The following FMN1 variants were observed in gnomAD, a reference collection of about 807,000 sequenced individuals.
The protein encoded by FMN1 is formin 1.
In FMN1, 110 loss-of-function variants were observed where a neutral mutation model predicts 132.4. The ratio of observed to expected loss-of-function variants is 0.83; its 90% CI spans 0.71 to 0.97. The LOEUF is 0.97. Among genes scored for constraint, FMN1 ranks in the 50% least tolerant of loss-of-function variants. FMN1 has a pLI of 0.00. For synonymous variants in FMN1, 722 were observed against 651.7 expected, an observed-to-expected ratio of 1.11 and a Z score of -1.64; for missense variants, 1,792 against 1,705.3, an observed-to-expected ratio of 1.05 and a Z score of -0.90.
At chr15:32,931,107 GT>G (rs1244950393) in intron 9 of FMN1, among the ~76,000 whole-genome samples, 3 of 152,098 alleles carry the variant, frequency 2.0e-5, no homozygotes, top group Admixed American at 2.0e-4. Context: ...TTGGCAATTT[GT>G]TTTGAATTCA....
chr15:33,009,658 A>G (rs923245408), intron 6 of FMN1, among the ~76,000 whole-genome samples: 6 of 152,198 alleles, frequency 3.9e-5, no homozygotes, highest in Non-Finnish European at 8.8e-5. Context: ...AACTCATTTC[A>G]TCTCCACAAT....
intron 9 of FMN1, among the ~76,000 whole-genome samples, chr15:32,928,266 T>C (rs776773278): frequency 6.6e-6 from 1 of 152,134 alleles, no homozygotes; most frequent in Non-Finnish European, 1.5e-5. Flanking sequence ...TACAGAATTT[T>C]AGGAGTTTTA....
At chr15:33,031,987 TA>T (rs2035959053) in intron 6 of FMN1, among the ~76,000 whole-genome samples, 1 of 152,196 alleles carries the variant, frequency 6.6e-6, no homozygotes, top group Non-Finnish European at 1.5e-5. Flanking sequence ...TCAATAAATG[TA>T]ATCATGAAGT....
At chr15:32,808,607 A>G (rs1473835434) in intron 17 of FMN1, among the ~76,000 whole-genome samples, 1 of 152,208 alleles carries the variant, frequency 6.6e-6, no homozygotes, top group Non-Finnish European at 1.5e-5. Context: ...AACTCCACTG[A>G]GCCTTATCCG....
At chr15:32,935,935 G>A (rs1449738035) in intron 9 of FMN1, among the ~76,000 whole-genome samples, 2 of 151,824 alleles carry the variant, frequency 1.3e-5, no homozygotes, top group Non-Finnish European at 2.9e-5. Flanking sequence ...CCTCCTCTTC[G>A]TTTTTTTCTT....
chr15:32,898,640 C>A (rs1261449140), intron 15 of FMN1, among the ~76,000 whole-genome samples, 194 bp downstream of exon 15: 4 of 152,172 alleles, frequency 2.6e-5, no homozygotes, highest in African/African-American at 9.7e-5. Context: ...TAGATTTACA[C>A]CACTGAATAA....
chr15:33,063,080 G>C (rs1038798756), intron 6 of FMN1: 1 of 152,196 alleles, frequency 6.6e-6, no homozygotes. Flanking sequence ...AAGTCTCTCT[G>C]CCCAGGGCCT....
At chr15:32,894,459 G>C (rs929788225) in intron 15 of FMN1, among the ~76,000 whole-genome samples, 7 of 151,254 alleles carry the variant, frequency 4.6e-5, no homozygotes, top group Non-Finnish European at 1.0e-4. Flanking sequence ...ACTGCAGCCT[G>C]GGTGACAGAG....
intron 9 of FMN1, among the ~76,000 whole-genome samples, chr15:32,929,547 G>A (rs2339165): frequency 0.15 from 22,698 of 152,036 alleles, 2,217 homozygotes; most frequent in African/African-American, 0.28. Flanking sequence ...TTCACCTTGC[G>A]TAACAGAAAT....
intron 5 of FMN1, among the ~76,000 whole-genome samples, chr15:33,087,772 G>C (rs1377549602): frequency 6.6e-6 from 1 of 151,288 alleles, no homozygotes; most frequent in Non-Finnish European, 1.5e-5. Flanking sequence ...ACAATGAGTG[G>C]ATAAATAAAA....
In FMN1 at chr15:32,968,986, A is replaced by C. The variant is rs1216645779; in HGVS notation, c.2715T>G (p.Pro905=). The C allele has an allele frequency of 2.0e-6, 2 of 994,628 alleles. No individual in the cohort carries two copies. The highest frequency in any genetic ancestry group is 2.5e-5 in the Admixed American group (1 of 39,930). 61.6% of individuals were successfully genotyped at this position (994,628 alleles called of 1,614,324 possible). A position where few individuals can be genotyped will look rare whatever the true frequency, so the allele number is the denominator to read the frequency against. The part of the protein sequence containing the change: ...PPVSAGPPLP[P]PPPPPPPLPP... The stretch of plus-strand genomic sequence containing the variant: ...GTAGAGGTGGCGGTGGAGGAGGCGG[A>C]GGTGGTAGCGGTGGCCCAGCACTCA... Residue 905 remains proline (P), a synonymous_variant, in exon 8 of 21, where the codon CCT becomes CCG. Coordinates refer to ENST00000616417, the MANE Select transcript of FMN1 (RefSeq NM_001277313.2).
chr15:32,898,538 T>C (rs1347397428), intron 15 of FMN1, among the ~76,000 whole-genome samples: 1 of 152,184 alleles, frequency 6.6e-6, no homozygotes, highest in Non-Finnish European at 1.5e-5. Context: ...TGAGCGGATC[T>C]AGATTTCACA....
chr15:33,154,716 C>T lies in FMN1; in HGVS notation c.199G>A (p.Asp67Asn), dbSNP rs1328032114. The T allele has an allele frequency of 6.5e-7, 1 of 1,536,098 alleles. No homozygotes were observed. Among genetic ancestry groups the T allele is most frequent in the Middle Eastern group, 1.7e-4 (1 of 5,990 alleles). The stretch of plus-strand genomic sequence containing the variant: ...AAAAATATGTCGCCTGGATGTTCGT[C>T]CGGCTCCTGGCTGAGGCTGATGATG... The part of the protein sequence containing the change: ...SDIISLSQEP[D>N]EHPGDIFFKQ... The change falls in exon 4 of 21, where the codon GAC becomes AAC. Residue 67 changes from aspartate (D) to asparagine (N), a missense_variant. Asp to Asn is a conservative substitution (Grantham distance 23, BLOSUM62 1). Around this residue, in one of 3 missense-constraint regions of FMN1, gnomAD observed 638 missense variants for 645.2 expected, o/e 0.99. Coordinates refer to ENST00000616417, the MANE Select transcript of FMN1 (RefSeq NM_001277313.2).
At chr15:32,910,679 C>A (rs758604490) in intron 10 of FMN1, 144 bp from the exon 11 acceptor site, 34 of 660,602 alleles carry the variant, frequency 5.1e-5, no homozygotes, top group Non-Finnish European at 8.6e-5. Context: ...CCCTTCCTTT[C>A]GCACCAGGGG....
intron 8 of FMN1, among the ~76,000 whole-genome samples, chr15:32,964,550 C>T (rs1239944449): frequency 6.6e-6 from 1 of 152,168 alleles, no homozygotes; most frequent in South Asian, 2.1e-4. Context: ...GATTCGGATT[C>T]CTGGGGGCAC....
chr15:33,152,388 C>A (rs550000922), intron 4 of FMN1, among the ~76,000 whole-genome samples: 1 of 152,050 alleles, frequency 6.6e-6, no homozygotes, highest in Non-Finnish European at 1.5e-5. Context: ...AAGATACCTA[C>A]GGAATAAAGT....
At chr15:32,903,092 T>C (rs975130201) in intron 12 of FMN1, among the ~76,000 whole-genome samples, 6 of 152,222 alleles carry the variant, frequency 3.9e-5, no homozygotes, top group Admixed American at 3.9e-4. Context: ...CCTCTACCTT[T>C]AGGGAGATTT....
chr15:33,142,491 G>A (rs1038443902), intron 4 of FMN1, among the ~76,000 whole-genome samples: 7 of 152,122 alleles, frequency 4.6e-5, no homozygotes, highest in African/African-American at 1.4e-4. Flanking sequence ...TCCCATGAGG[G>A]CAGAGAGCAG....
intron 10 of FMN1, among the ~76,000 whole-genome samples, chr15:32,924,632 T>C (rs1274982700): frequency 6.6e-6 from 1 of 152,200 alleles, no homozygotes; most frequent in African/African-American, 2.4e-5. Context: ...TATAAAGATT[T>C]ACATTTGCTG....
Sources: gnomAD v4.1 joint callset for allele counts (sites outside exome capture counted in the v4.1 genomes callset) on GRCh38, gnomAD v4.1.1 for gene constraint, gnomAD v4.1.1 regional missense constraint, MANE v1.5 for transcripts, NCBI Gene and HGNC (gene_info 2026-07-23, HGNC 2026-07-21) for gene names.